The following PCCA variants were observed in gnomAD, a reference collection of about 807,000 sequenced individuals.
PCCA encodes the protein propionyl-CoA carboxylase alpha chain, mitochondrial.
In PCCA, 74 loss-of-function variants were observed where a neutral mutation model predicts 101.3. The ratio of observed to expected loss-of-function variants is 0.73; its 90% CI spans 0.61 to 0.89. The LOEUF (loss-of-function observed/expected upper bound fraction) is 0.89, where lower values mean the gene tolerates loss of function less well. Ranked by LOEUF, PCCA falls within the 40% of genes least tolerant of loss-of-function variation. PCCA has a pLI of 0.00. For missense variants in PCCA, 891 were observed against 907.0 expected (o/e 0.98, Z 0.23); for synonymous variants, 294 against 313.6 (o/e 0.94, Z 0.66).
intron 22 of PCCA, among the ~76,000 whole-genome samples, chr13:100,523,044 C>G (rs1050944337): frequency 5.3e-5 from 8 of 152,092 alleles, no homozygotes; most frequent in African/African-American, 1.9e-4. Flanking sequence ...TCTTTTTCTT[C>G]CTGCACTTTC....
At chr13:100,474,073 C>A (rs1337554569) in intron 21 of PCCA, among the ~76,000 whole-genome samples, 1 of 152,152 alleles carries the variant, frequency 6.6e-6, no homozygotes, top group African/African-American at 2.4e-5. Flanking sequence ...TGAGTTTTAT[C>A]GAACAGAAGG....
At chr13:100,428,902 G>C (rs1305196387) in intron 20 of PCCA, among the ~76,000 whole-genome samples, 1 of 152,160 alleles carries the variant, frequency 6.6e-6, no homozygotes, top group South Asian at 2.1e-4. Flanking sequence ...TTATCCCTAG[G>C]TCAGTAGGGA....
At chr13:100,123,434 T>C (rs1230271658) in intron 4 of PCCA, among the ~76,000 whole-genome samples, 2 of 152,204 alleles carry the variant, frequency 1.3e-5, no homozygotes, top group Admixed American at 6.5e-5. Context: ...AAATTTCCTA[T>C]ATATCAATAA....
chr13:100,511,256 T>C (rs555029006), intron 21 of PCCA, among the ~76,000 whole-genome samples: 46 of 152,324 alleles, frequency 3.0e-4, no homozygotes, highest in African/African-American at 1.1e-3. Flanking sequence ...TTTCGCGCTT[T>C]CCATCACTTT....
chr13:100,282,041 T>C (rs980463881), intron 12 of PCCA, among the ~76,000 whole-genome samples: 3 of 152,258 alleles, frequency 2.0e-5, no homozygotes, highest in East Asian at 1.9e-4. Flanking sequence ...AAATGGTATA[T>C]TGTTTTCATT....
intron 6 of PCCA, among the ~76,000 whole-genome samples, chr13:100,202,619 T>G (rs528165315): frequency 2.0e-5 from 3 of 151,886 alleles, no homozygotes; most frequent in South Asian, 4.1e-4. Context: ...TAAATTTTCT[T>G]GAGTTGTATT....
intron 19 of PCCA, among the ~76,000 whole-genome samples, chr13:100,402,386 T>C (rs1429776461): frequency 6.6e-6 from 1 of 152,162 alleles, no homozygotes; most frequent in Non-Finnish European, 1.5e-5. Context: ...ATATTTTAGT[T>C]TAAAACATAG....
intron 2 of PCCA, among the ~76,000 whole-genome samples, chr13:100,103,662 G>A (rs367838471): frequency 2.0e-5 from 3 of 151,406 alleles, no homozygotes; most frequent in African/African-American, 7.3e-5. Context: ...GTGAGATGGA[G>A]TCTTGCTCTT....
In PCCA at chr13:100,397,303, C is replaced by A. The variant is rs2077094989; in HGVS notation, c.1747-28330C>A. 2.0e-5 allele frequency among the ~76,000 whole-genome samples: 3 copies of A among 152,174 alleles called. No individual in the cohort carries two copies. The South Asian group carries it at 6.2e-4, about 31-fold the overall frequency. ...TGTAGACCCTTGAGCAATTATGTAA[C>A]TTCTCTGAGTGTCAGATTTGTCATC... On this transcript the variant is annotated intron_variant, in intron 19 of 23. Transcript: ENST00000376285.
chr13:100,425,184 G>T (rs1429198256), intron 19 of PCCA, among the ~76,000 whole-genome samples: 1 of 152,084 alleles, frequency 6.6e-6, no homozygotes, highest in Non-Finnish European at 1.5e-5. Flanking sequence ...TCTAATTAAA[G>T]CTTCTGTTTA....
rs2061289114 is a variant in PCCA, at chr13:100,243,796, G to T, written c.637+7918G>T. ...GCCCTGTCTCTGCGTAGTGTGTGGG[G>T]GCTATATGGTAGTCCTTTCTTTTCT... On this transcript the variant is annotated intron_variant, in intron 8 of 23. Coordinates refer to ENST00000376285, the MANE Select transcript of PCCA (RefSeq NM_000282.4). 2.6e-5 allele frequency among the ~76,000 whole-genome samples: 4 copies of T among 152,196 alleles called. No individual in the cohort carries two copies. In the South Asian group the frequency reaches 6.2e-4, roughly 24 times the overall value.
intron 12 of PCCA, among the ~76,000 whole-genome samples, chr13:100,275,609 G>A (rs547901786): frequency 6.6e-6 from 1 of 152,262 alleles, no homozygotes; most frequent in South Asian, 2.1e-4. Flanking sequence ...TGACAGAAAT[G>A]CTGGTATTTT....
intron 6 of PCCA, among the ~76,000 whole-genome samples, chr13:100,203,926 A>G (rs2058695165): frequency 6.6e-6 from 1 of 152,182 alleles, no homozygotes; most frequent in Admixed American, 6.5e-5. Context: ...TCCTATTGAC[A>G]TCACTATATT....
intron 22 of PCCA, among the ~76,000 whole-genome samples, chr13:100,518,744 T>C (rs1172299729): frequency 6.6e-6 from 1 of 152,216 alleles, no homozygotes; most frequent in African/African-American, 2.4e-5. Flanking sequence ...TGCCTTTTTA[T>C]ATGCCTTCTG....
chr13:100,473,725 A>G (rs985965155), intron 21 of PCCA, among the ~76,000 whole-genome samples: 1 of 152,202 alleles, frequency 6.6e-6, no homozygotes, highest in African/African-American at 2.4e-5. Flanking sequence ...GAGTGATTGC[A>G]TTTGGCACAA....
chr13:100,461,185 A>G (rs771802874), intron 21 of PCCA, among the ~76,000 whole-genome samples: 15 of 152,366 alleles, frequency 9.8e-5, no homozygotes, highest in African/African-American at 2.9e-4. Flanking sequence ...TGTTATTGCT[A>G]CTATAGAACA....
chr13:100,244,039 A>G (rs1431175570), intron 8 of PCCA, among the ~76,000 whole-genome samples: 4 of 152,226 alleles, frequency 2.6e-5, no homozygotes, highest in African/African-American at 7.2e-5. Flanking sequence ...TTAAGGTTAT[A>G]TGGAAGAAAC....
intron 7 of PCCA, among the ~76,000 whole-genome samples, chr13:100,224,963 T>G (rs1479805434): frequency 2.6e-5 from 4 of 152,222 alleles, no homozygotes; most frequent in Non-Finnish European, 5.9e-5. Flanking sequence ...TGGAATGTGA[T>G]GTAACTTATT....
chr13:100,490,288 C>T (rs2084805520), intron 21 of PCCA: 1 of 152,180 alleles, frequency 6.6e-6, no homozygotes. Context: ...TGGTATATTA[C>T]TGTACTCCAA....
Sources: gnomAD v4.1 joint callset for allele counts (sites outside exome capture counted in the v4.1 genomes callset) on GRCh38, gnomAD v4.1.1 for gene constraint, MANE v1.5 for transcripts, NCBI Gene and HGNC (gene_info 2026-07-23, HGNC 2026-07-21) for gene names.